Variants in PTPN21 observed in about 807,000 individuals in gnomAD.
PTPN21 encodes tyrosine-protein phosphatase non-receptor type 21.
Under a neutral mutation model 131.8 loss-of-function variants are expected in PTPN21, and 77 were observed. The ratio of observed to expected loss-of-function variants is 0.58; its 90% confidence interval spans 0.49 to 0.71. PTPN21 has a LOEUF of 0.71. Ranked by LOEUF, PTPN21 falls within the 30% of genes least tolerant of loss-of-function variation. PTPN21 has a pLI of 0.00. For missense variants in PTPN21, 1,552 were observed against 1,527.1 expected (o/e 1.02, Z -0.27); for synonymous variants, 715 against 621.3 (o/e 1.15, Z -2.24).
chr14:88,534,249 G>A (rs2078596504), intron 2 of PTPN21, among the ~76,000 whole-genome samples: 1 of 151,842 alleles, frequency 6.6e-6, no homozygotes. Flanking sequence ...GGCGCTTGGT[G>A]GTGCACACCT....
At chr14:88,491,842 T>C (rs904857688) in intron 10 of PTPN21, among the ~76,000 whole-genome samples, 7 of 152,124 alleles carry the variant, frequency 4.6e-5, no homozygotes, top group African/African-American at 7.2e-5. Context: ...TTTAAAAAGA[T>C]TCAGGTGTTC....
intron 8 of PTPN21, among the ~76,000 whole-genome samples, chr14:88,497,926 T>C (rs1223929241): frequency 5.3e-5 from 8 of 152,084 alleles, no homozygotes; most frequent in African/African-American, 1.9e-4. Context: ...GGTGAAACCC[T>C]GTCTCTACTA....
intron 13 of PTPN21, among the ~76,000 whole-genome samples, chr14:88,478,352 G>A (rs776814255): frequency 1.3e-5 from 2 of 152,146 alleles, no homozygotes; most frequent in Non-Finnish European, 2.9e-5. Context: ...AAACCTGGAC[G>A]TCTCAGGATT....
intron 2 of PTPN21, among the ~76,000 whole-genome samples, chr14:88,521,025 T>C (rs1054927983): frequency 1.3e-5 from 2 of 152,006 alleles, no homozygotes; most frequent in Non-Finnish European, 2.9e-5. Context: ...TATATTTTTT[T>C]TGGTCAAGAG....
chr14:88,528,964 C>A (rs2078518371), intron 2 of PTPN21, among the ~76,000 whole-genome samples: 1 of 152,128 alleles, frequency 6.6e-6, no homozygotes, highest in Non-Finnish European at 1.5e-5. Context: ...GATTTGGATG[C>A]CCTTTCTTTC....
At position 88,478,983 on chromosome 14, in the gene PTPN21, T is replaced by G; in HGVS notation, c.2448A>C (p.Lys816Asn). Residue 816 changes from lysine to asparagine, a missense_variant, in exon 13 of 19, where the codon AAA becomes AAC. By Grantham distance (94) the Lys-to-Asn change is moderately conservative (BLOSUM62 0). Around this residue, in one of 4 missense-constraint regions of PTPN21, gnomAD observed 1,016 missense variants for 883.5 expected, o/e 1.15. Transcript: ENST00000556564. ...CAGAGAGAAGGTCCGACACCGGCCT[T>G]TTCTTCAGAGAGTCCCTCCGGGCTC... is the stretch of plus-strand genomic sequence containing the variant. ...RYRARRDSLKKRPVSDLLSGK... is the reference protein window; with the variant it reads ...RYRARRDSLKNRPVSDLLSGK... The G allele has an allele frequency of 6.3e-7, 1 of 1,579,370 alleles. No individual in the cohort carries two copies. Among genetic ancestry groups the G allele is most frequent in the South Asian group, 1.2e-5 (1 of 86,878 alleles).
intron 2 of PTPN21, among the ~76,000 whole-genome samples, chr14:88,548,794 C>A (rs1164757209): frequency 6.6e-6 from 1 of 152,188 alleles, no homozygotes; most frequent in Admixed American, 6.5e-5. Flanking sequence ...CCTTTCTTCA[C>A]AGGCCTTGCA....
rs774230674 is a variant in PTPN21, at chr14:88,479,883, G to A, written c.1548C>T (p.Tyr516=). The change falls in exon 13 of 19, where the codon TAC becomes TAT. Residue 516 remains tyrosine, a synonymous_variant. Transcript: ENST00000556564. The part of the protein sequence containing the change: ...AAAHCPFSLS[Y]SFHSPSPYPY... Reference sequence around the variant, plus strand: ...GGTAGGGAGACGGGCTGTGGAAGCTGTAGCTCAGGCTGAACGGGCAGTGTG... The same window carrying A: ...GGTAGGGAGACGGGCTGTGGAAGCTATAGCTCAGGCTGAACGGGCAGTGTG... 1.3e-6 allele frequency: 2 copies of A among 1,586,826 alleles called. No homozygotes were observed. The highest frequency in any genetic ancestry group is 1.3e-5 in the African/African-American group (1 of 74,854).
chr14:88,528,285 G>A (rs1370912420), intron 2 of PTPN21, among the ~76,000 whole-genome samples: 2 of 152,090 alleles, frequency 1.3e-5, no homozygotes, highest in African/African-American at 2.4e-5. Context: ...CCTGAGCATG[G>A]GATGTGTTTC....
At chr14:88,506,458 TTTAAAGATGAGGTCTTGCTATG>T (rs1451806432) in intron 4 of PTPN21, among the ~76,000 whole-genome samples, 18 of 152,256 alleles carry the variant, frequency 1.2e-4, no homozygotes, top group African/African-American at 4.3e-4. Context: ...ATATGTACAT[TTTAAAGATGAGGTCTTGCTATG>T]TTGCCCAGGC....
intron 2 of PTPN21, among the ~76,000 whole-genome samples, chr14:88,542,663 A>C (rs1351358565): frequency 6.6e-6 from 1 of 152,236 alleles, no homozygotes; most frequent in East Asian, 1.9e-4. Context: ...CATATCCTCC[A>C]TGTTTGTATG....
At chr14:88,546,934 C>T (rs979126574) in intron 2 of PTPN21, among the ~76,000 whole-genome samples, 7 of 152,194 alleles carry the variant, frequency 4.6e-5, no homozygotes, top group Admixed American at 4.6e-4. Context: ...AAACTTTCTA[C>T]CCATGACTGT....
In PTPN21 at chr14:88,469,209, C is replaced by T; in HGVS notation, c.3236-133G>A. The T allele has an allele frequency of 1.0e-6, 1 of 990,778 alleles. No individual in the cohort carries two copies. The highest frequency in any genetic ancestry group is 2.6e-5 in the East Asian group (1 of 38,188). 61.4% of individuals were successfully genotyped at this position (990,778 alleles called of 1,614,324 possible). ...GCACTGGGTGCCAGTGAACCAAACCCAACCACAAAGGGACAGTGTGACCCT... is the reference window on the plus strand; with the variant it reads ...GCACTGGGTGCCAGTGAACCAAACCTAACCACAAAGGGACAGTGTGACCCT... On this transcript the variant is annotated intron_variant, in intron 17 of 18. Transcript: ENST00000556564. The surrounding 1 kb of genome is among the most constrained non-coding windows in gnomAD (Gnocchi z 4.3).
chr14:88,482,950 C>T (rs2077674403), intron 12 of PTPN21, among the ~76,000 whole-genome samples: 1 of 151,872 alleles, frequency 6.6e-6, no homozygotes, highest in Non-Finnish European at 1.5e-5. Context: ...CACAGTGGCT[C>T]ACACCTGTAA....
chr14:88,525,311 T>C (rs936859596), intron 2 of PTPN21, among the ~76,000 whole-genome samples: 6 of 151,730 alleles, frequency 4.0e-5, no homozygotes, highest in African/African-American at 1.5e-4. Context: ...AGAAAATATT[T>C]GCAAATTATA....
In PTPN21 at chr14:88,468,033, G is replaced by C. The variant is rs1369220026; in HGVS notation, c.*104C>G. On this transcript the variant is annotated 3_prime_UTR_variant, in exon 19 of 19. Transcript: ENST00000556564. ...TGCGCCACTTACGTCCCAGTGCCAC[G>C]CTGCGTGGATCAAGTGTCAACGGGA... 1.4e-6 allele frequency: 2 copies of C among 1,407,836 alleles called. No homozygotes were observed. Among genetic ancestry groups the C allele is most frequent in the African/African-American group, 1.4e-5 (1 of 69,332 alleles). The allele number at this position is 1,407,836 out of a possible 1,614,324, so 87.2% of individuals were successfully genotyped here.
chr14:88,507,993 T>C lies in PTPN21; in HGVS notation c.378A>G (p.Lys126=). 6.2e-7 allele frequency: 1 copy of C among 1,604,820 alleles called. No individual in the cohort carries two copies. Residue 126 remains lysine, a synonymous_variant, in exon 4 of 19, where the codon AAA becomes AAG. Coordinates refer to ENST00000556564, the MANE Select transcript of PTPN21 (RefSeq NM_007039.4). ...AAGGAATACTTCCTTCCAAGATATCTTTCTTCAGTTGCAGATAATACTGAT... is the reference window on the plus strand; with the variant it reads ...AAGGAATACTTCCTTCCAAGATATCCTTCTTCAGTTGCAGATAATACTGAT... The part of the protein sequence containing the change: ...TRYQYYLQLK[K]DILEGSIPCT...
At chr14:88,534,983 T>G (rs1469870985) in intron 2 of PTPN21, among the ~76,000 whole-genome samples, 1 of 152,192 alleles carries the variant, frequency 6.6e-6, no homozygotes, top group Non-Finnish European at 1.5e-5. Flanking sequence ...GGCCTTCGTA[T>G]TCACTGACTC....
intron 3 of PTPN21, chr14:88,513,503 T>C (rs1257893014): frequency 6.6e-6 from 1 of 152,244 alleles, no homozygotes; most frequent in Non-Finnish European, 1.5e-5. Flanking sequence ...TTCCAAGCTT[T>C]GTGCAGTGGT....
Sources: gnomAD v4.1 joint callset for allele counts (sites outside exome capture counted in the v4.1 genomes callset) on GRCh38, gnomAD v4.1.1 for gene constraint, gnomAD v4.1.1 regional missense constraint, Gnocchi (gnomAD v3.1) non-coding constraint, MANE v1.5 for transcripts, NCBI Gene and HGNC (gene_info 2026-07-23, HGNC 2026-07-21) for gene names.